TRPC4: variants seen among roughly 807,000 people sequenced by gnomAD.
The protein encoded by TRPC4 is transient receptor potential cation channel subfamily C member 4.
Under a neutral mutation model 99.4 loss-of-function variants are expected in TRPC4, and 49 were observed. That is an observed-to-expected ratio of 0.49 (90% confidence interval 0.39 to 0.63). TRPC4 has a LOEUF of 0.63. TRPC4 is among the 20% of genes least tolerant of loss of function. The pLI, the probability that TRPC4 is intolerant of heterozygous loss-of-function variation, is 0.00. For synonymous variants in TRPC4, 454 were observed against 425.9 expected (o/e 1.07, Z -0.81); for missense variants, 898 against 1,152.9 (o/e 0.78, Z 3.20).
rs374460466 is a variant in TRPC4 at position 37,746,443 on chromosome 13, G to C, written c.391C>G (p.Leu131Val). 3.8e-5 allele frequency: 59 copies of C among 1,536,912 alleles called. No homozygotes were observed. Among genetic ancestry groups the C allele is most frequent in the Non-Finnish European group, 4.9e-5 (57 of 1,153,722 alleles). The change falls in exon 3 of 11, where the codon CTC becomes GTC. Residue 131 changes from leucine to valine, a missense_variant. Leu to Val is a conservative substitution (Grantham distance 32). Around this residue, in one of 3 missense-constraint regions of TRPC4, gnomAD observed 278 missense variants for 346.6 expected, o/e 0.80. Coordinates refer to ENST00000379705, the MANE Select transcript of TRPC4 (RefSeq NM_016179.4). ...AATTCAGAGAACTGCTTATCAAGGA[G>C]TATAGGAGGCACCTAAAAAAAAAAA... ...PSGEKQVPPILLDKQFSEFTP... is the reference protein window; with the variant it reads ...PSGEKQVPPIVLDKQFSEFTP...
At chr13:37,705,059 A>G (rs977736286) in intron 3 of TRPC4, among the ~76,000 whole-genome samples, 9 of 152,210 alleles carry the variant, frequency 5.9e-5, no homozygotes, top group Admixed American at 2.0e-4. Context: ...CTGTCTATCA[A>G]TGTATCAAAG....
At chr13:37,738,656 A>C (rs1955480257) in intron 3 of TRPC4, among the ~76,000 whole-genome samples, 1 of 152,176 alleles carries the variant, frequency 6.6e-6, no homozygotes, top group Admixed American at 6.6e-5. Context: ...GATAAAACCC[A>C]TTGCAATAGA....
chr13:37,848,508 T>C (rs1277721009), intron 1 of TRPC4, among the ~76,000 whole-genome samples: 1 of 152,106 alleles, frequency 6.6e-6, no homozygotes, highest in African/African-American at 2.4e-5. Flanking sequence ...TTTTTGATGC[T>C]TGTAAGAGCA....
At chr13:37,771,753 A>T (rs569093355) in intron 2 of TRPC4, among the ~76,000 whole-genome samples, 1 of 151,764 alleles carries the variant, frequency 6.6e-6, no homozygotes, top group Non-Finnish European at 1.5e-5. Context: ...CATACCATGT[A>T]TTAGGAAATC....
chr13:37,777,715 A>T (rs996510826), intron 2 of TRPC4, among the ~76,000 whole-genome samples: 1 of 152,052 alleles, frequency 6.6e-6, no homozygotes, highest in African/African-American at 2.4e-5. Flanking sequence ...TAACACAGTA[A>T]TAATGCCAAC....
chr13:37,704,613 G>T (rs1313177252), intron 3 of TRPC4, among the ~76,000 whole-genome samples: 1 of 152,030 alleles, frequency 6.6e-6, no homozygotes, highest in Non-Finnish European at 1.5e-5. Context: ...TCCAGCCTGG[G>T]CAACAGAGCA....
At chr13:37,760,776 C>T (rs533233631) in intron 2 of TRPC4, among the ~76,000 whole-genome samples, 1 of 152,054 alleles carries the variant, frequency 6.6e-6, no homozygotes, top group African/African-American at 2.4e-5. Context: ...TGGCCCAAGA[C>T]ATTCTTCTTC....
intron 2 of TRPC4, among the ~76,000 whole-genome samples, chr13:37,764,122 G>A (rs1396472412): frequency 1.3e-5 from 2 of 151,590 alleles, no homozygotes; most frequent in African/African-American, 4.8e-5. Flanking sequence ...AGCAACAGCT[G>A]AGTATGAACA....
intron 7 of TRPC4, among the ~76,000 whole-genome samples, chr13:37,651,805 G>T (rs927217324): frequency 6.6e-5 from 10 of 152,132 alleles, no homozygotes; most frequent in Admixed American, 5.2e-4. Context: ...TTTGATTCAG[G>T]CCAGAAATAG....
intron 3 of TRPC4, among the ~76,000 whole-genome samples, chr13:37,695,307 C>G (rs114343104): frequency 0.016 from 2,411 of 152,172 alleles, 64 homozygotes; most frequent in African/African-American, 0.054. Context: ...CCAACTCCCT[C>G]TGAAGGACAC....
At chr13:37,824,668 G>A (rs368484679) in intron 1 of TRPC4, among the ~76,000 whole-genome samples, 3 of 152,136 alleles carry the variant, frequency 2.0e-5, no homozygotes, top group East Asian at 1.9e-4. Context: ...TGCTGGATTC[G>A]GTTTGCCATT....
Position 37,635,185 on chromosome 13 carries a change from A to G in TRPC4, c.*1718T>C, listed in dbSNP as rs964204644. On this transcript the variant is annotated 3_prime_UTR_variant, in exon 11 of 11. Transcript: ENST00000379705. ...ATTCTCTCTCAAGGTATAGGACTTC[A>G]GAAGTGGCAATTGTAACCCCTGTAT... Among the ~76,000 whole-genome samples, 1 of 152,124 alleles carries G rather than the reference A, an allele frequency of 6.6e-6. No individual in the cohort carries two copies. Among genetic ancestry groups the G allele is most frequent in the African/African-American group, 2.4e-5 (1 of 41,444 alleles).
At position 37,639,049 on chromosome 13, in the gene TRPC4, C is replaced by T. The variant is rs1451947912; in HGVS notation, c.2202G>A (p.Glu734=). Residue 734 remains glutamate, a synonymous_variant, in exon 10 of 11, where the codon GAG becomes GAA. Coordinates refer to ENST00000379705, the MANE Select transcript of TRPC4 (RefSeq NM_016179.4). ...DAKTEEGLTE[E]NFKELKQDIS... Reference sequence around the variant, plus strand: ...AGATGAAAATGGTTACCTTAAAGTTCTCTTCGGTCAGGCCTTCTTCAGTTT... The same window carrying T: ...AGATGAAAATGGTTACCTTAAAGTTTTCTTCGGTCAGGCCTTCTTCAGTTT... The T allele has an allele frequency of 6.2e-7, 1 of 1,613,362 alleles. No homozygotes were observed. Among genetic ancestry groups the T allele is most frequent in the Non-Finnish European group, 8.5e-7 (1 of 1,179,550 alleles).
rs145419082 is a variant in TRPC4 at position 37,804,919 on chromosome 13, G to T, written c.-27-21559C>A. Among the ~76,000 whole-genome samples the T allele has an allele frequency of 5.5e-3, 841 of 152,022 alleles. 2 individuals carry two copies. The highest frequency in any genetic ancestry group is 0.014 in the Middle Eastern group (4 of 294). On this transcript the variant is annotated intron_variant, in intron 1 of 10. Transcript: ENST00000379705. ...GGATGTGTCTTAACAACTAATAATT[G>T]TATTCACAAACTGTGAATGAGAAGT...
At chr13:37,816,180 AT>A (rs1957848961) in intron 1 of TRPC4, among the ~76,000 whole-genome samples, 1 of 151,906 alleles carries the variant, frequency 6.6e-6, no homozygotes, top group African/African-American at 2.4e-5. Flanking sequence ...ATGGAAGGGC[AT>A]TATATAATAG....
chr13:37,646,045 C>T (rs1031139243), intron 8 of TRPC4, among the ~76,000 whole-genome samples: 1 of 152,214 alleles, frequency 6.6e-6, no homozygotes, highest in African/African-American at 2.4e-5. Context: ...TACATTTTGA[C>T]AAATCGCCAC....
At chr13:37,734,947 A>G (rs902349816) in intron 3 of TRPC4, among the ~76,000 whole-genome samples, 2 of 151,966 alleles carry the variant, frequency 1.3e-5, no homozygotes, top group Admixed American at 1.3e-4. Context: ...GTTCCCTAAC[A>G]CTCCAAAGGA....
rs555087189 is a variant in TRPC4 at position 37,856,312 on chromosome 13, G to T, written c.-28+13283C>A. 2.1e-5 allele frequency among the ~76,000 whole-genome samples: 3 copies of T among 146,072 alleles called. No homozygotes were observed. The East Asian group carries it at 6.1e-4, about 30-fold the overall frequency. On this transcript the variant is annotated intron_variant, in intron 1 of 10. Coordinates refer to ENST00000379705, the MANE Select transcript of TRPC4 (RefSeq NM_016179.4). ...TGGACACATATAACCTACTAAAATT[G>T]AACCATGAACAAATCCAAAACCTGA...
intron 1 of TRPC4, among the ~76,000 whole-genome samples, chr13:37,785,618 C>A (rs767217732): frequency 3.3e-5 from 5 of 151,912 alleles, no homozygotes; most frequent in Non-Finnish European, 5.9e-5. Flanking sequence ...CACATGCATG[C>A]ACACATCAGT....
Sources: allele counts gnomAD v4.1 joint callset (sites outside exome capture counted in the v4.1 genomes callset), GRCh38; gene constraint gnomAD v4.1.1; regional missense constraint gnomAD v4.1.1; transcripts MANE v1.5; gene names NCBI Gene and HGNC (gene_info 2026-07-23, HGNC 2026-07-21).